RPSA2: variants seen among roughly 807,000 people sequenced by gnomAD.
RPSA2 encodes ribosomal protein SA 2, also known as small ribosomal subunit protein uS2B.
the RPSA2 span, among the ~76,000 whole-genome samples, chr19:23,759,545 A>G: frequency 1.3e-3 from 1 of 788 alleles, no homozygotes; most frequent in African/African-American, 2.0e-3. Context: ...TTTTTTTGAG[A>G]CGGAGTCTCG....
chr19:23,839,414 C>T, the RPSA2 span, among the ~76,000 whole-genome samples: 1 of 152,254 alleles, frequency 6.6e-6, no homozygotes, highest in Non-Finnish European at 1.5e-5. Flanking sequence ...AGGCCTCACT[C>T]AGCTCCAGTG....
At chr19:23,839,683 A>G in the RPSA2 span, among the ~76,000 whole-genome samples, 4 of 152,128 alleles carry the variant, frequency 2.6e-5, no homozygotes, top group African/African-American at 9.7e-5. Context: ...CTCCCCTTGG[A>G]GTTTTACCCC....
the RPSA2 span, among the ~76,000 whole-genome samples, chr19:23,763,508 G>A: frequency 5.3e-4 from 81 of 152,334 alleles, 5 homozygotes; most frequent in Non-Finnish European, 5.9e-5. Flanking sequence ...ACGGAGTCTT[G>A]CTCTGTCGCC....
At chr19:23,828,211 CTATTT>C in the RPSA2 span, among the ~76,000 whole-genome samples, 3 of 149,734 alleles carry the variant, frequency 2.0e-5, no homozygotes, top group Non-Finnish European at 4.4e-5. Flanking sequence ...GTGCTGCATT[CTATTT>C]TATTAGTCTA....
At chr19:23,772,348 G>C in the RPSA2 span, among the ~76,000 whole-genome samples, 1 of 152,148 alleles carries the variant, frequency 6.6e-6, no homozygotes, top group East Asian at 1.9e-4. Flanking sequence ...CTGCTGCTTG[G>C]TTCCTTCCCT....
At chr19:23,868,902 C>A in the RPSA2 span, among the ~76,000 whole-genome samples, 150 of 152,134 alleles carry the variant, frequency 9.9e-4, no homozygotes, top group African/African-American at 3.2e-3. Context: ...GGACAGAAGG[C>A]CAACTGGAGT....
the RPSA2 span, among the ~76,000 whole-genome samples, chr19:23,790,415 G>C: frequency 6.6e-6 from 1 of 152,110 alleles, no homozygotes; most frequent in African/African-American, 2.4e-5. Flanking sequence ...TCTGGGGTGG[G>C]CCTGGCTCAG....
At chr19:23,832,622 G>A in the RPSA2 span, 1 of 1,418,276 alleles carries the variant, frequency 7.1e-7, no homozygotes, top group Non-Finnish European at 9.4e-7. Context: ...AATTCATACT[G>A]GGAGAGACCC....
At chr19:23,830,624 C>T in the RPSA2 span, among the ~76,000 whole-genome samples, 1 of 151,490 alleles carries the variant, frequency 6.6e-6, no homozygotes, top group Non-Finnish European at 1.5e-5. Context: ...TTTTTACCTC[C>T]ACAATTTTTG....
At chr19:23,786,534 G>A in the RPSA2 span, among the ~76,000 whole-genome samples, 1 of 152,160 alleles carries the variant, frequency 6.6e-6, no homozygotes. Flanking sequence ...TGCCTTACAT[G>A]TTGTGCCATA....
the RPSA2 span, among the ~76,000 whole-genome samples, chr19:23,788,940 A>G: frequency 6.7e-6 from 1 of 149,102 alleles, no homozygotes; most frequent in South Asian, 2.1e-4. Flanking sequence ...GCTCACTGAG[A>G]GCTTTGTAAC....
chr19:23,805,420 TC>T, the RPSA2 span, among the ~76,000 whole-genome samples: 6 of 152,206 alleles, frequency 3.9e-5, no homozygotes, highest in African/African-American at 1.4e-4. Flanking sequence ...CACCTCAGCC[TC>T]CCAAAGTGCA....
chr19:23,832,320 T>A, the RPSA2 span: 1 of 472,532 alleles, frequency 2.1e-6, no homozygotes, highest in South Asian at 1.6e-5. Context: ...GTGAAGAAAG[T>A]GGCAAAGCAT....
the RPSA2 span, among the ~76,000 whole-genome samples, chr19:23,785,521 T>C: frequency 1.3e-5 from 2 of 152,272 alleles, no homozygotes; most frequent in South Asian, 2.1e-4. Context: ...CCTTTTACCA[T>C]AGAAAGCATT....
chr19:23,817,072 A>C, the RPSA2 span, among the ~76,000 whole-genome samples: 1 of 152,200 alleles, frequency 6.6e-6, no homozygotes, highest in Non-Finnish European at 1.5e-5. Context: ...TATGTTTTTC[A>C]GTTTGTTATT....
At chr19:23,853,005 TAATATC>T in the RPSA2 span, among the ~76,000 whole-genome samples, 1 of 152,152 alleles carries the variant, frequency 6.6e-6, no homozygotes, top group African/African-American at 2.4e-5. Flanking sequence ...GGTCAGCAAT[TAATATC>T]AATATAATGA....
chr19:23,822,239 C>G, the RPSA2 span, among the ~76,000 whole-genome samples: 1 of 152,206 alleles, frequency 6.6e-6, no homozygotes, highest in Admixed American at 6.5e-5. Flanking sequence ...TTTGCAGGCG[C>G]TGAAGCTGGG....
chr19:23,869,806 C>A, the RPSA2 span, among the ~76,000 whole-genome samples: 5 of 152,282 alleles, frequency 3.3e-5, no homozygotes, highest in South Asian at 1.0e-3. Context: ...GGTAGGAACA[C>A]TCTCTAATAC....
chr19:23,782,519 A>G, the RPSA2 span: 1 of 152,258 alleles, frequency 6.6e-6, no homozygotes, highest in East Asian at 1.9e-4. Context: ...CTTTATACCT[A>G]CGTGATGTGA....
Sources: gnomAD v4.1 joint callset for allele counts (sites outside exome capture counted in the v4.1 genomes callset) on GRCh38, gnomAD v4.1.1 for gene constraint, MANE v1.5 for transcripts, NCBI Gene and HGNC (gene_info 2026-07-23, HGNC 2026-07-21) for gene names.